SYT17: variants seen among roughly 807,000 people sequenced by gnomAD.
The protein encoded by SYT17 is synaptotagmin 17, also known as synaptotagmin-17.
A neutral mutation model predicts 46.7 loss-of-function variants in SYT17; 22 were observed. The observed-to-expected ratio is 0.47, with a 90% CI of 0.34 to 0.67. SYT17 has a LOEUF of 0.67. SYT17 is among the 30% of genes least tolerant of loss of function. The probability of loss-of-function intolerance (pLI) is 0.01; values close to 1 mark genes in which losing one functional copy is unlikely to be tolerated. For missense variants in SYT17, 519 were observed against 612.8 expected (o/e 0.85, Z 1.62); for synonymous variants, 251 against 248.4 (o/e 1.01, Z -0.10).
intron 7 of SYT17, among the ~76,000 whole-genome samples, chr16:19,239,985 A>G (rs1448892574): frequency 6.6e-6 from 1 of 152,194 alleles, no homozygotes. Context: ...GATCACCACA[A>G]GCAGCTTCAA....
At chr16:19,180,853 A>G (rs1964523413) in intron 4 of SYT17, among the ~76,000 whole-genome samples, 1 of 152,204 alleles carries the variant, frequency 6.6e-6, no homozygotes, top group African/African-American at 2.4e-5. Context: ...GAGTGTGGCT[A>G]TATTATATAG....
chr16:19,172,708 A>C (rs1964147643), intron 1 of SYT17, 52 bp from the exon 2 acceptor site: 3 of 1,606,708 alleles, frequency 1.9e-6, no homozygotes, highest in Non-Finnish European at 2.5e-6. Context: ...TCTTTCTTTA[A>C]CCCCTTCGTT....
intron 5 of SYT17, among the ~76,000 whole-genome samples, chr16:19,184,716 C>T (rs151186804): frequency 1.3e-5 from 2 of 152,264 alleles, no homozygotes; most frequent in Admixed American, 1.3e-4. Flanking sequence ...GTAACCACCA[C>T]CACTCTGGAA....
At chr16:19,236,337 T>C (rs1966847614) in intron 7 of SYT17, among the ~76,000 whole-genome samples, 1 of 152,164 alleles carries the variant, frequency 6.6e-6, no homozygotes, top group Non-Finnish European at 1.5e-5. Context: ...TCAACAAACA[T>C]ATAAGTTATG....
At chr16:19,217,571 G>A (rs1173062884) in intron 5 of SYT17, among the ~76,000 whole-genome samples, 1 of 152,208 alleles carries the variant, frequency 6.6e-6, no homozygotes, top group Non-Finnish European at 1.5e-5. Context: ...CCATTGCATA[G>A]ATAGGTGATG....
chr16:19,200,476 A>T (rs1965418096), intron 5 of SYT17, among the ~76,000 whole-genome samples: 1 of 152,224 alleles, frequency 6.6e-6, no homozygotes, highest in African/African-American at 2.4e-5. Context: ...GTACATTCAC[A>T]GCACATCTCA....
chr16:19,191,458 C>G (rs897623208), intron 5 of SYT17, among the ~76,000 whole-genome samples: 7 of 152,176 alleles, frequency 4.6e-5, no homozygotes, highest in African/African-American at 1.7e-4. Context: ...TGGTCCTCAG[C>G]AGACATGAAA....
chr16:19,211,506 G>A (rs1965899524), intron 5 of SYT17: 1 of 703,488 alleles, frequency 1.4e-6, no homozygotes, highest in East Asian at 2.7e-5. Context: ...GGGAAATGAT[G>A]GAGGCAGAGG....
intron 3 of SYT17, among the ~76,000 whole-genome samples, chr16:19,174,801 T>C (rs947303765): frequency 4.9e-5 from 7 of 141,696 alleles, no homozygotes; most frequent in African/African-American, 9.8e-5. Flanking sequence ...GAATGCTTGA[T>C]ACTTTGTTGG....
Position 19,172,768 on chromosome 16 carries a change from A to T in SYT17, c.24A>T (p.Pro8=). 6.2e-7 allele frequency: 1 copy of T among 1,613,976 alleles called. No individual in the cohort carries two copies. The highest frequency in any genetic ancestry group is 8.5e-7 in the Non-Finnish European group (1 of 1,180,006). ...GGATCTTAAAAGGGCAGTTGGAACC[A>T]TTAAACGAGGTGGGTTCATTTGATG... MAYIQLE[P]LNEGFLSRIS... is the part of the protein sequence containing the mutation. The change falls in exon 2 of 8, where the codon CCA becomes CCT. Residue 8 remains proline (P), a synonymous_variant. Transcript: ENST00000355377.
At chr16:19,250,433 A>C (rs1435781172) in intron 7 of SYT17, among the ~76,000 whole-genome samples, 1 of 147,928 alleles carries the variant, frequency 6.8e-6, no homozygotes, top group African/African-American at 2.5e-5. Flanking sequence ...TCTATTGCCC[A>C]GGCTGGAGTG....
chr16:19,252,380 C>CAT lies in SYT17; in HGVS notation c.1229-14488_1229-14487dup, dbSNP rs1255011604. On this transcript the variant is annotated intron_variant, in intron 7 of 7. Transcript: ENST00000355377. ...ACACATATATATATACATATATATACATATATATATATACATATATATACA... is the reference window on the plus strand; with the variant it reads ...ACACATATATATATACATATATATACATATATATATATATACATATATATACA... Among the ~76,000 whole-genome samples the CAT allele has an allele frequency of 2.4e-4, 4 of 16,562 alleles. 2 individuals carry two copies. In the African/African-American group the frequency reaches 2.6e-3, roughly 11 times the overall value. 10.9% of individuals were successfully genotyped at this position (16,562 alleles called of 152,430 possible).
Position 19,249,898 on chromosome 16 carries a change from C to T in SYT17, c.1229-16982C>T, listed in dbSNP as rs375983055. 8.5e-6 allele frequency: 13 copies of T among 1,531,994 alleles called. No individual in the cohort carries two copies. The South Asian group carries it at 1.6e-4, about 18-fold the overall frequency. 94.9% of individuals were successfully genotyped at this position (1,531,994 alleles called of 1,614,324 possible). On this transcript the variant is annotated intron_variant, in intron 7 of 7. Coordinates refer to ENST00000355377, the MANE Select transcript of SYT17 (RefSeq NM_016524.4). ...TCCAGGTCGTCTTGTCTTGCTCACT[C>T]CCTTGTCCCCAGCAGATTCACCAAG... is the stretch of plus-strand genomic sequence containing the variant.
At chr16:19,176,411 G>A (rs1374511959) in intron 3 of SYT17, among the ~76,000 whole-genome samples, 1 of 152,050 alleles carries the variant, frequency 6.6e-6, no homozygotes, top group Non-Finnish European at 1.5e-5. Flanking sequence ...CACAGGAACT[G>A]AACTATTAGA....
Position 19,226,440 on chromosome 16 carries a change from T to C in SYT17, c.1228+1602T>C, listed in dbSNP as rs191280306. Among the ~76,000 whole-genome samples, 149 of 152,290 alleles carry C rather than the reference T, an allele frequency of 9.8e-4. 2 individuals carry two copies. The highest frequency in any genetic ancestry group is 8.8e-3 in the Admixed American group (134 of 15,300). On this transcript the variant is annotated intron_variant, in intron 7 of 7. Transcript: ENST00000355377. ...ATACAAGATTTCCCCTATATAAACT[T>C]ATTGCTCCTTCTCACCAAGATTGCA...
In SYT17 at chr16:19,173,490, C is replaced by T. The variant is rs750459328; in HGVS notation, c.94C>T (p.Gln32Ter). 1 of 1,610,078 alleles carries T rather than the reference C, an allele frequency of 6.2e-7. No individual in the cohort carries two copies. The highest frequency in any genetic ancestry group is 8.5e-7 in the Non-Finnish European group (1 of 1,178,514). The part of the protein sequence containing the change: ...LCRWTCRHCC[Q>*]KCYESSCCQS... ...CAGATGGACCTGCCGGCACTGCTGTCAGAAGTGCTACGAGTCCAGCTGTTG... is the reference window on the plus strand; with the variant it reads ...CAGATGGACCTGCCGGCACTGCTGTTAGAAGTGCTACGAGTCCAGCTGTTG... Residue 32 changes from glutamine (Q) to a stop codon, truncating the protein, a stop_gained, in exon 3 of 8, where the codon CAG becomes TAG. Transcript: ENST00000355377. LOFTEE classifies it high-confidence loss of function.
chr16:19,250,086 G>T, intron 7 of SYT17: 1 of 1,519,060 alleles, frequency 6.6e-7, no homozygotes. Context: ...TGAGTTGGTT[G>T]TGTGTCTGGT....
chr16:19,264,106 A>G (rs1969193176), intron 7 of SYT17, among the ~76,000 whole-genome samples: 1 of 152,116 alleles, frequency 6.6e-6, no homozygotes. Flanking sequence ...AGAAGATACC[A>G]CCTATGAGGA....
At position 19,223,181 on chromosome 16, in the gene SYT17, C is replaced by T. The variant is rs749464853; in HGVS notation, c.1072+16C>T. ...CAAGGTTCAGGTACCGTGTGATTCC[C>T]CTCTTCTCTCACTTTATTAATGGGG... is the stretch of plus-strand genomic sequence containing the variant. On this transcript the variant is annotated intron_variant, in intron 6 of 7. Transcript: ENST00000355377. 1 of 1,611,038 alleles carries T rather than the reference C, an allele frequency of 6.2e-7. No individual in the cohort carries two copies. The highest frequency in any genetic ancestry group is 8.5e-7 in the Non-Finnish European group (1 of 1,177,780).
Sources: gnomAD v4.1 joint callset for allele counts (sites outside exome capture counted in the v4.1 genomes callset) on GRCh38, gnomAD v4.1.1 for gene constraint, MANE v1.5 for transcripts, NCBI Gene and HGNC (gene_info 2026-07-23, HGNC 2026-07-21) for gene names.